Variants in NRXN3 observed in about 807,000 individuals in gnomAD.
The protein encoded by NRXN3 is neurexin III.
A neutral mutation model predicts 137.6 loss-of-function variants in NRXN3; 32 were observed. That is an observed-to-expected ratio of 0.23 (90% confidence interval 0.18 to 0.31). NRXN3 has a LOEUF of 0.31. Ranked by LOEUF, NRXN3 falls within the 10% of genes least tolerant of loss-of-function variation. The pLI, the probability that NRXN3 is intolerant of heterozygous loss-of-function variation, is 1.00. For synonymous variants in NRXN3, 798 were observed against 784.5 expected, an observed-to-expected ratio of 1.02 and a Z score of -0.29; for missense variants, 1,574 against 2,062.5, an observed-to-expected ratio of 0.76 and a Z score of 4.59.
intron 4 of NRXN3, among the ~76,000 whole-genome samples, chr14:78,588,063 GAGA>G (rs2097083684): frequency 6.6e-6 from 1 of 152,132 alleles, no homozygotes; most frequent in Admixed American, 6.5e-5. Context: ...GTAAATAAAT[GAGA>G]AGAATTTATT....
chr14:79,803,812 T>G (rs538350271), intron 19 of NRXN3, among the ~76,000 whole-genome samples: 1 of 151,872 alleles, frequency 6.6e-6, no homozygotes, highest in Admixed American at 6.6e-5. Context: ...ACTGCAATTC[T>G]AATTAGTCAT....
At chr14:79,218,305 G>A (rs1329071465) in intron 15 of NRXN3, among the ~76,000 whole-genome samples, 4 of 152,116 alleles carry the variant, frequency 2.6e-5, no homozygotes, top group Non-Finnish European at 4.4e-5. Context: ...CTCTGCTACC[G>A]TTTAATGACT....
chr14:78,429,957 A>G (rs1193407493), intron 4 of NRXN3, among the ~76,000 whole-genome samples: 8 of 152,186 alleles, frequency 5.3e-5, no homozygotes, highest in Non-Finnish European at 1.2e-4. Context: ...GGATGGGCTG[A>G]GCATGGTGGG....
chr14:79,132,072 ACTGT>A (rs2057595449), intron 15 of NRXN3, among the ~76,000 whole-genome samples: 1 of 152,228 alleles, frequency 6.6e-6, no homozygotes. Flanking sequence ...ACCTGCGCGC[ACTGT>A]CTGGCACTCC....
chr14:78,582,085 T>C (rs2097004601), intron 4 of NRXN3, among the ~76,000 whole-genome samples: 1 of 152,222 alleles, frequency 6.6e-6, no homozygotes, highest in Non-Finnish European at 1.5e-5. Context: ...AGAAAGTGCA[T>C]CCATATCAGT....
At chr14:79,365,654 G>C in intron 15 of NRXN3, among the ~76,000 whole-genome samples, 1 of 145,936 alleles carries the variant, frequency 6.9e-6, no homozygotes, top group African/African-American at 2.5e-5. Flanking sequence ...GGGAAGCGGA[G>C]CTTGCAGTGA....
chr14:78,521,059 C>T (rs1365267894), intron 4 of NRXN3, among the ~76,000 whole-genome samples: 6 of 152,104 alleles, frequency 3.9e-5, no homozygotes, highest in Admixed American at 1.3e-4. Flanking sequence ...TTTTATTTTC[C>T]TATCAGTGAC....
At chr14:79,622,589 G>A (rs2098236187) in intron 16 of NRXN3, among the ~76,000 whole-genome samples, 1 of 151,912 alleles carries the variant, frequency 6.6e-6, no homozygotes, top group African/African-American at 2.4e-5. Flanking sequence ...AGTTTATTTA[G>A]TTTATTTTTA....
intron 15 of NRXN3, among the ~76,000 whole-genome samples, chr14:79,318,450 C>G (rs1323686539): frequency 6.6e-6 from 1 of 152,146 alleles, no homozygotes; most frequent in East Asian, 1.9e-4. Context: ...AGGACGATTA[C>G]TTTATCTGTG....
intron 4 of NRXN3, among the ~76,000 whole-genome samples, chr14:78,389,103 TG>T: frequency 6.6e-6 from 1 of 151,332 alleles, no homozygotes; most frequent in East Asian, 1.9e-4. Flanking sequence ...TTGCCCAGGC[TG>T]GAGTGCAGTG....
rs1002747608 is a variant in NRXN3, at chr14:79,062,879, G to A, written c.3262+74738G>A. Among the ~76,000 whole-genome samples, 33 of 152,104 alleles carry A rather than the reference G, an allele frequency of 2.2e-4. 1 individual carries two copies. The highest frequency in any genetic ancestry group is 8.0e-4 in the African/African-American group (33 of 41,422). ...TCTCTGGGTGTTGTGAATTCTTGCA[G>A]GGAAAATTGGTTTTACCATATTAGC... On this transcript the variant is annotated intron_variant, in intron 15 of 20. Coordinates refer to ENST00000335750, the MANE Select transcript of NRXN3 (RefSeq NM_001330195.2).
chr14:78,986,286 G>C (rs984728684), intron 14 of NRXN3, among the ~76,000 whole-genome samples: 1 of 152,146 alleles, frequency 6.6e-6, no homozygotes, highest in Non-Finnish European at 1.5e-5. Flanking sequence ...GGCTCATCTC[G>C]TTTGCTGAGA....
intron 15 of NRXN3, among the ~76,000 whole-genome samples, chr14:79,264,521 GATGT>G (rs1166405739): frequency 9.1e-6 from 1 of 110,352 alleles, no homozygotes; most frequent in Non-Finnish European, 1.8e-5. Context: ...GTGTTTACAT[GATGT>G]GTGTGTGTGT....
chr14:79,786,635 G>A (rs183529164), intron 19 of NRXN3, among the ~76,000 whole-genome samples: 1 of 152,298 alleles, frequency 6.6e-6, no homozygotes, highest in Non-Finnish European at 1.5e-5. Context: ...TGTGCGACTA[G>A]CACTATTTAA....
At chr14:79,373,724 T>A (rs995414242) in intron 15 of NRXN3, among the ~76,000 whole-genome samples, 5 of 152,210 alleles carry the variant, frequency 3.3e-5, no homozygotes, top group Non-Finnish European at 7.3e-5. Flanking sequence ...AAATTATTTT[T>A]ATATTGCTCT....
chr14:79,420,981 A>C (rs921780282), intron 15 of NRXN3, among the ~76,000 whole-genome samples: 1 of 152,186 alleles, frequency 6.6e-6, no homozygotes, highest in Non-Finnish European at 1.5e-5. Context: ...GAAACCAAAT[A>C]AGAACAAGCA....
intron 16 of NRXN3, among the ~76,000 whole-genome samples, chr14:79,506,430 A>G (rs900069426): frequency 3.3e-5 from 5 of 152,204 alleles, no homozygotes; most frequent in Admixed American, 3.3e-4. Flanking sequence ...CTCAGGAACA[A>G]TATTTGCTAA....
chr14:79,234,294 ATATATATAT>A (rs2072826255), intron 15 of NRXN3, among the ~76,000 whole-genome samples: 1 of 792 alleles, frequency 1.3e-3, no homozygotes, highest in Admixed American at 0.01. Flanking sequence ...TCAATGGTAA[ATATATATAT>A]ATATATATAT....
intron 10 of NRXN3, among the ~76,000 whole-genome samples, chr14:78,956,816 G>T (rs2099397666): frequency 6.6e-6 from 1 of 152,194 alleles, no homozygotes; most frequent in Non-Finnish European, 1.5e-5. Context: ...CTCTCTAAAA[G>T]CCAGACTGGT....
Sources: allele counts gnomAD v4.1 joint callset (sites outside exome capture counted in the v4.1 genomes callset), GRCh38; gene constraint gnomAD v4.1.1; transcripts MANE v1.5; gene names NCBI Gene and HGNC (gene_info 2026-07-23, HGNC 2026-07-21).